The following EZH1 variants were observed in gnomAD, a reference collection of about 807,000 sequenced individuals.
EZH1 encodes enhancer of zeste 1 polycomb repressive complex 2 subunit.
Under a neutral mutation model 100.5 loss-of-function variants are expected in EZH1, and 33 were observed. The observed-to-expected ratio is 0.33, with a 90% confidence interval of 0.25 to 0.44. The LOEUF is 0.44. Among genes scored for constraint, EZH1 ranks in the 20% least tolerant of loss-of-function variants. The pLI is 1.00. For missense variants in EZH1, 475 were observed against 928.4 expected (o/e 0.51, Z 6.35); for synonymous variants, 272 against 313.8 (o/e 0.87, Z 1.41).
At chr17:42,739,845 G>A (rs544776113) in intron 1 of EZH1, among the ~76,000 whole-genome samples, 4 of 150,974 alleles carry the variant, frequency 2.6e-5, no homozygotes, top group African/African-American at 9.7e-5. Flanking sequence ...GTGCAGTGGC[G>A]CGATCTTGGC....
Position 42,728,850 on chromosome 17 carries a change from C to T in EZH1, c.92G>A (p.Arg31Gln), listed in dbSNP as rs760277636. The change falls in exon 3 of 21, where the codon CGG (arginine) becomes CAG (glutamine). Residue 31 changes from arginine to glutamine, a missense_variant. Coordinates refer to ENST00000428826, the MANE Select transcript of EZH1 (RefSeq NM_001991.5). The part of the protein sequence containing the change: ...SEYMRLRQLK[R>Q]LQANMGAKAL... ...CTTTGCACCCATATTTGCCTGAAGC[C>T]GTTTAAGTTGTCGAAGTCGCATGTA... 1.4e-5 allele frequency: 22 copies of T among 1,613,358 alleles called. No homozygotes were observed. The highest frequency in any genetic ancestry group is 1.7e-6 in the Non-Finnish European group (2 of 1,179,796).
chr17:42,713,357 G>T lies in EZH1; in HGVS notation c.1056C>A (p.Asn352Lys). ...GACGACCAGAGCACTTGGAGCGGGGGTTGTGGAGCATGGCATACTCCTTTG... is the reference window on the plus strand; with the variant it reads ...GACGACCAGAGCACTTGGAGCGGGGTTTGTGGAGCATGGCATACTCCTTTG... The part of the protein sequence containing the change: ...EGAKEYAMLH[N>K]PRSKCSGRRR... The change falls in exon 11 of 21, where the codon AAC becomes AAA. Residue 352 changes from asparagine to lysine, a missense_variant. Asn to Lys is a moderately conservative substitution (Grantham distance 94). Coordinates refer to ENST00000428826, the MANE Select transcript of EZH1 (RefSeq NM_001991.5). 1 of 1,610,116 alleles carries T rather than the reference G, an allele frequency of 6.2e-7. No individual in the cohort carries two copies. Among genetic ancestry groups the T allele is most frequent in the Non-Finnish European group, 8.5e-7 (1 of 1,176,608 alleles).
At chr17:42,703,317 G>A in intron 19 of EZH1, 1 of 309,588 alleles carries the variant, frequency 3.2e-6, no homozygotes, top group East Asian at 9.0e-5. Context: ...TGGGACTACA[G>A]GTGCACACCA....
At chr17:42,738,736 G>A (rs2054116412) in intron 1 of EZH1, among the ~76,000 whole-genome samples, 1 of 148,944 alleles carries the variant, frequency 6.7e-6, no homozygotes, top group Non-Finnish European at 1.5e-5. Flanking sequence ...ACAGGCGTAA[G>A]CCACCGGGCC....
At chr17:42,727,856 A>G (rs2143829721) in intron 3 of EZH1, 93 bp from the exon 4 acceptor site, 1 of 979,984 alleles carries the variant, frequency 1.0e-6, no homozygotes, top group Non-Finnish European at 1.3e-6. Context: ...CTCTGTTGTC[A>G]CCCAGGCTGG....
intron 7 of EZH1, 91 bp downstream of exon 7, chr17:42,720,182 A>C (rs951255735): frequency 4.9e-5 from 67 of 1,356,548 alleles, no homozygotes; most frequent in Non-Finnish European, 6.3e-5. Context: ...AAGCACCAAC[A>C]GCCTTTAATA....
chr17:42,732,439 C>T (rs1238012894), intron 1 of EZH1, among the ~76,000 whole-genome samples: 1 of 151,888 alleles, frequency 6.6e-6, no homozygotes, highest in Admixed American at 6.6e-5. Context: ...TTGATACAAG[C>T]CTGGGTAACA....
At chr17:42,744,298 G>C (rs2054234848) in intron 1 of EZH1, among the ~76,000 whole-genome samples, 1 of 152,134 alleles carries the variant, frequency 6.6e-6, no homozygotes, top group Non-Finnish European at 1.5e-5. Context: ...TGTGCTTCAA[G>C]GCACTTTTAT....
intron 1 of EZH1, among the ~76,000 whole-genome samples, chr17:42,744,697 C>G (rs1333152243): frequency 6.6e-6 from 1 of 152,006 alleles, no homozygotes; most frequent in Non-Finnish European, 1.5e-5. Flanking sequence ...CGCTGGGGCT[C>G]CCGCCCACCG....
intron 10 of EZH1, among the ~76,000 whole-genome samples, chr17:42,716,047 CA>C (rs35668797): frequency 0.032 from 2,231 of 70,658 alleles, 33 homozygotes; most frequent in African/African-American, 0.093. Context: ...AACTCTGTCT[CA>C]AAAAAAAAAA....
chr17:42,708,239 T>C lies in EZH1; in HGVS notation c.1535-156A>G. 4.7e-6 allele frequency: 4 copies of C among 848,118 alleles called. No individual in the cohort carries two copies. In the South Asian group the frequency reaches 5.5e-5, roughly 12 times the overall value. 52.5% of individuals were successfully genotyped at this position (848,118 alleles called of 1,614,324 possible). A position where few individuals can be genotyped will look rare whatever the true frequency, so the allele number is the denominator to read the frequency against. ...GAAGTGAGAAGACAGGGATGACCGT[T>C]GTTCATAAGCTGCAGTGGGGTGATC... On this transcript the variant is annotated intron_variant, in intron 14 of 20. Transcript: ENST00000428826.
intron 1 of EZH1, among the ~76,000 whole-genome samples, chr17:42,733,816 C>T (rs989369737): frequency 1.3e-5 from 2 of 150,850 alleles, no homozygotes; most frequent in Non-Finnish European, 2.9e-5. Context: ...TGGCGGGTGC[C>T]TGTATTCCCA....
intron 5 of EZH1, 41 bp from the exon 6 acceptor site, chr17:42,722,956 A>G: frequency 1.2e-6 from 2 of 1,601,274 alleles, no homozygotes; most frequent in Non-Finnish European, 1.7e-6. Context: ...TGAAGCCATC[A>G]TGCATCTGCT....
At chr17:42,726,713 C>A (rs2053828489) in intron 4 of EZH1, among the ~76,000 whole-genome samples, 1 of 151,890 alleles carries the variant, frequency 6.6e-6, no homozygotes, top group African/African-American at 2.4e-5. Flanking sequence ...GGGGTTTCAC[C>A]ATGTTGGCCA....
At chr17:42,739,371 C>G (rs2054132201) in intron 1 of EZH1, among the ~76,000 whole-genome samples, 2 of 152,174 alleles carry the variant, frequency 1.3e-5, no homozygotes, top group African/African-American at 4.8e-5. Flanking sequence ...TAACAGGAAC[C>G]TGTGACTCTG....
chr17:42,712,775 C>T lies in EZH1; in HGVS notation c.1205-290G>A, dbSNP rs139597106. 2.2e-3 allele frequency among the ~76,000 whole-genome samples: 339 copies of T among 152,226 alleles called. 2 individuals carry two copies. Among genetic ancestry groups the T allele is most frequent in the Middle Eastern group, 0.01 (3 of 294 alleles). ...AAAATTAGCCAGGCAGGGTGGCTCA[C>T]GCCTGTAATCCCAGCACTTTAGGAC... is the stretch of plus-strand genomic sequence containing the variant. On this transcript the variant is annotated intron_variant, in intron 11 of 20. Transcript: ENST00000428826.
At chr17:42,713,597 G>GT (rs1264554204) in intron 10 of EZH1, among the ~76,000 whole-genome samples, 3 of 151,882 alleles carry the variant, frequency 2.0e-5, no homozygotes, top group Non-Finnish European at 4.4e-5. Flanking sequence ...GTCCTATAAT[G>GT]TTTTTTTGTT....
At position 42,702,964 on chromosome 17, in the gene EZH1, G is replaced by A. The variant is rs766012686; in HGVS notation, c.2099-3C>T. On this transcript the variant is annotated splice_polypyrimidine_tract_variant and splice_region_variant and intron_variant, in intron 19 of 20. Coordinates refer to ENST00000428826, the MANE Select transcript of EZH1 (RefSeq NM_001991.5). ...ATGGTCTCCATTCACCATGACCACT[G>A]CAAGCAGGATAAACCCGAGGCTAGG... 1.9e-6 allele frequency: 3 copies of A among 1,613,956 alleles called. No individual in the cohort carries two copies. The South Asian group carries it at 3.3e-5, about 18-fold the overall frequency.
chr17:42,711,460 G>A (rs992465009), intron 12 of EZH1, among the ~76,000 whole-genome samples: 1 of 151,660 alleles, frequency 6.6e-6, no homozygotes, highest in African/African-American at 2.4e-5. Context: ...GCAACAGACC[G>A]AGACTCCATC....
Sources: allele counts gnomAD v4.1 joint callset (sites outside exome capture counted in the v4.1 genomes callset), GRCh38; gene constraint gnomAD v4.1.1; transcripts MANE v1.5; gene names NCBI Gene and HGNC (gene_info 2026-07-23, HGNC 2026-07-21).